Variants in LPP observed in about 807,000 individuals in gnomAD.
The protein encoded by LPP is LIM domain containing preferred translocation partner in lipoma, also known as lipoma-preferred partner.
LPP carries 38 observed loss-of-function variants against 60.4 expected under a neutral mutation model. The ratio of observed to expected loss-of-function variants is 0.63; its 90% confidence interval spans 0.49 to 0.83. The LOEUF is 0.83. Ranked by LOEUF, LPP falls within the 40% of genes least tolerant of loss-of-function variation. The pLI is 0.00. For synonymous variants in LPP, 328 were observed against 290.8 expected (o/e 1.13, Z -1.30); for missense variants, 902 against 783.6 (o/e 1.15, Z -1.80).
At chr3:188,564,630 C>T (rs1475018787) in intron 6 of LPP, among the ~76,000 whole-genome samples, 1 of 151,796 alleles carries the variant, frequency 6.6e-6, no homozygotes, top group Non-Finnish European at 1.5e-5. Flanking sequence ...TTAAAGTTAC[C>T]TCAGATGACT....
At chr3:188,284,757 G>A (rs545341905) in intron 2 of LPP, among the ~76,000 whole-genome samples, 1 of 152,312 alleles carries the variant, frequency 6.6e-6, no homozygotes, top group South Asian at 2.1e-4. Flanking sequence ...AGTAATGACT[G>A]CGAGAGACAA....
At chr3:188,634,452 C>A (rs1848359755) in intron 7 of LPP, among the ~76,000 whole-genome samples, 1 of 152,330 alleles carries the variant, frequency 6.6e-6, no homozygotes, top group South Asian at 2.1e-4. Context: ...GGGTGCCCAA[C>A]CCCCGGGCCA....
chr3:188,260,844 C>G (rs1436797935), intron 2 of LPP, among the ~76,000 whole-genome samples: 1 of 152,024 alleles, frequency 6.6e-6, no homozygotes, highest in East Asian at 1.9e-4. Flanking sequence ...AGCAGCCTGA[C>G]CAACTTGGTG....
intron 7 of LPP, among the ~76,000 whole-genome samples, chr3:188,641,827 C>T (rs957847517): frequency 6.6e-6 from 1 of 152,162 alleles, no homozygotes; most frequent in Non-Finnish European, 1.5e-5. Context: ...ACTAGGCAGC[C>T]TCCCACAATG....
intron 2 of LPP, among the ~76,000 whole-genome samples, chr3:188,273,589 CTTTTTT>C (rs11380757): frequency 0.046 from 3,693 of 80,458 alleles, 83 homozygotes; most frequent in African/African-American, 0.11. Context: ...TATTTTATAT[CTTTTTT>C]TTTTTTTTTT....
intron 7 of LPP, among the ~76,000 whole-genome samples, chr3:188,694,473 C>T (rs1862777021): frequency 6.6e-6 from 1 of 152,078 alleles, no homozygotes; most frequent in Non-Finnish European, 1.5e-5. Flanking sequence ...GAGGCAGAGG[C>T]AGGTGGATCA....
At chr3:188,240,495 C>T (rs758802978) in intron 2 of LPP, among the ~76,000 whole-genome samples, 11 of 152,118 alleles carry the variant, frequency 7.2e-5, no homozygotes, top group Middle Eastern at 3.4e-3. Flanking sequence ...AAGTCTTATA[C>T]GTACTGAATT....
At chr3:188,283,837 C>T (rs377511358) in intron 2 of LPP, among the ~76,000 whole-genome samples, 8 of 152,010 alleles carry the variant, frequency 5.3e-5, no homozygotes, top group South Asian at 2.1e-4. Context: ...ATTAGCCAGG[C>T]GTGGTGGTAC....
intron 1 of LPP, among the ~76,000 whole-genome samples, chr3:188,199,934 C>T (rs955913888): frequency 4.0e-5 from 6 of 151,668 alleles, no homozygotes; most frequent in Non-Finnish European, 5.9e-5. Context: ...AGGCTGGTCT[C>T]GAACTCCTGA....
intron 2 of LPP, among the ~76,000 whole-genome samples, chr3:188,265,870 G>GGTGTGTGT (rs55722565): frequency 0.01 from 1,478 of 143,394 alleles, 14 homozygotes; most frequent in African/African-American, 0.027. Context: ...GGATTACTCT[G>GGTGTGTGT]GTGTGTGTGT....
chr3:188,580,021 C>T (rs554397122), intron 6 of LPP, among the ~76,000 whole-genome samples: 3 of 152,098 alleles, frequency 2.0e-5, no homozygotes, highest in African/African-American at 7.2e-5. Context: ...AGCAAATACA[C>T]ACACACAACA....
intron 3 of LPP, among the ~76,000 whole-genome samples, chr3:188,393,796 C>T (rs944150815): frequency 6.6e-6 from 1 of 152,054 alleles, no homozygotes; most frequent in Non-Finnish European, 1.5e-5. Flanking sequence ...TGTATTAGGT[C>T]CTAGGAATAT....
At chr3:188,839,295 T>G (rs989934185) in intron 9 of LPP, among the ~76,000 whole-genome samples, 2 of 152,182 alleles carry the variant, frequency 1.3e-5, no homozygotes, top group Non-Finnish European at 2.9e-5. Flanking sequence ...TATCTAAATA[T>G]CTGGAATCTT....
At chr3:188,271,444 C>T (rs1301900808) in intron 2 of LPP, among the ~76,000 whole-genome samples, 5 of 152,160 alleles carry the variant, frequency 3.3e-5, no homozygotes, top group Admixed American at 3.3e-4. Flanking sequence ...TTCCTCACAC[C>T]TCAAGAGACG....
At chr3:188,826,518 A>G (rs958680504) in intron 9 of LPP, among the ~76,000 whole-genome samples, 5 of 152,160 alleles carry the variant, frequency 3.3e-5, no homozygotes, top group Non-Finnish European at 5.9e-5. Flanking sequence ...GATATCTTAG[A>G]TTGCTACTCT....
intron 9 of LPP, among the ~76,000 whole-genome samples, chr3:188,856,830 A>G (rs1256673938): frequency 1.3e-5 from 2 of 152,146 alleles, no homozygotes; most frequent in Admixed American, 1.3e-4. Flanking sequence ...TTTGGATAGG[A>G]TTATCTGCTC....
chr3:188,217,407 G>A lies in LPP; in HGVS notation c.-189-7998G>A, dbSNP rs906176047. ...AAAAGAATAGGGTCTAGCAGGTGGT[G>A]GTAAGTGAGAGACCTGAGCTTCTTA... On this transcript the variant is annotated intron_variant, in intron 1 of 11. Coordinates refer to ENST00000617246, the MANE Select transcript of LPP (RefSeq NM_001375462.1). This position sits in a 1 kb window ranked among gnomAD's most constrained non-coding sequence, Gnocchi z 4.0. Among the ~76,000 whole-genome samples, 1 of 152,126 alleles carries A rather than the reference G, an allele frequency of 6.6e-6. No individual in the cohort carries two copies. The highest frequency in any genetic ancestry group is 1.5e-5 in the Non-Finnish European group (1 of 68,022).
intron 2 of LPP, among the ~76,000 whole-genome samples, chr3:188,296,722 C>T (rs1331287574): frequency 1.3e-4 from 20 of 152,200 alleles, no homozygotes; most frequent in Non-Finnish European, 8.8e-5. Flanking sequence ...AATTTACCCT[C>T]TTCCTCTCAG....
chr3:188,511,745 A>G (rs1012192347), intron 5 of LPP, among the ~76,000 whole-genome samples: 1 of 152,188 alleles, frequency 6.6e-6, no homozygotes, highest in Non-Finnish European at 1.5e-5. Context: ...GATTGCTGGA[A>G]TAGCTCGATG....
Sources: gnomAD v4.1 joint callset for allele counts (sites outside exome capture counted in the v4.1 genomes callset) on GRCh38, gnomAD v4.1.1 for gene constraint, Gnocchi (gnomAD v3.1) non-coding constraint, MANE v1.5 for transcripts, NCBI Gene and HGNC (gene_info 2026-07-23, HGNC 2026-07-21) for gene names.